Variants in RAD54L observed in about 807,000 individuals in gnomAD.
RAD54L encodes the protein RAD54 like, also known as DNA repair and recombination protein RAD54-like.
Under a neutral mutation model 91.6 loss-of-function variants are expected in RAD54L, and 74 were observed. The observed-to-expected ratio is 0.81, with a 90% confidence interval of 0.67 to 0.98. The LOEUF (loss-of-function observed/expected upper bound fraction) is 0.98. Ranked by LOEUF, RAD54L falls within the 50% of genes least tolerant of loss-of-function variation. RAD54L has a pLI of 0.00. For missense variants in RAD54L, 887 were observed against 945.7 expected, an observed-to-expected ratio of 0.94 and a Z score of 0.81; for synonymous variants, 304 against 349.7, an observed-to-expected ratio of 0.87 and a Z score of 1.46.
intron 3 of RAD54L, among the ~76,000 whole-genome samples, chr1:46,253,435 A>G (rs1041758138): frequency 1.4e-4 from 21 of 152,166 alleles, no homozygotes; most frequent in African/African-American, 4.6e-4. Context: ...CCTGGCTAAC[A>G]TGGTGAAACT....
chr1:46,261,146 T>C (rs1660107251), intron 7 of RAD54L, 115 bp from the exon 8 acceptor site: 12 of 1,548,522 alleles, frequency 7.7e-6, no homozygotes, highest in South Asian at 1.1e-5. Flanking sequence ...TTGAAAATAG[T>C]TGAAGTGGAG....
At chr1:46,251,580 T>C (rs1659799919) in intron 3 of RAD54L, among the ~76,000 whole-genome samples, 1 of 152,040 alleles carries the variant, frequency 6.6e-6, no homozygotes, top group African/African-American at 2.4e-5. Flanking sequence ...AAAAAATCAC[T>C]AATACATTGT....
chr1:46,272,161 G>A (rs922520682), intron 10 of RAD54L, among the ~76,000 whole-genome samples: 1 of 147,908 alleles, frequency 6.8e-6, no homozygotes. Context: ...TCCTGCCTCA[G>A]CTTCCCGAGT....
chr1:46,255,741 C>A lies in RAD54L; in HGVS notation c.211-2945C>A, dbSNP rs2148282515. Among the ~76,000 whole-genome samples the A allele has an allele frequency of 2.0e-5, 3 of 152,050 alleles. 1 individual carries two copies. The South Asian group carries it at 6.2e-4, about 32-fold the overall frequency. ...ATCTCGAACACCTGACCTCAGGTGA[C>A]CTGCCCGCCTTGGCCTCCCAAAGTG... On this transcript the variant is annotated intron_variant, in intron 3 of 17. Coordinates refer to ENST00000371975, the MANE Select transcript of RAD54L (RefSeq NM_003579.4).
chr1:46,258,273 G>T (rs1400325373), intron 3 of RAD54L, among the ~76,000 whole-genome samples: 1 of 148,020 alleles, frequency 6.8e-6, no homozygotes, highest in African/African-American at 2.5e-5. Flanking sequence ...GCTGATGTGA[G>T]TATTAGATAT....
At chr1:46,267,764 G>A in intron 9 of RAD54L, 155 bp downstream of exon 9, 1 of 1,045,332 alleles carries the variant, frequency 9.6e-7, no homozygotes, top group South Asian at 1.4e-5. Flanking sequence ...GAGTAGCAAA[G>A]CCATTGGGAG....
chr1:46,277,658 G>C (rs1350153162), intron 16 of RAD54L, 159 bp from the exon 17 acceptor site: 2 of 807,736 alleles, frequency 2.5e-6, no homozygotes, highest in Non-Finnish European at 4.0e-6. Flanking sequence ...TGGGAAAATG[G>C]ACCTCAGCTG....
chr1:46,248,572 G>A lies in RAD54L; in HGVS notation c.64G>A (p.Asp22Asn). The change falls in exon 2 of 18, where the codon GAT becomes AAT. Residue 22 changes from aspartate to asparagine, a missense_variant. Asp to Asn is a conservative substitution (Grantham distance 23). Transcript: ENST00000371975. The part of the protein sequence containing the change: ...KRKPEGRSCD[D>N]EDWQPGLVTP... ...AAAACCTGAAGGCAGGTCCTGTGAT[G>A]ATGAAGACTGGCAACCTGGCCTAGT... 1 of 1,614,170 alleles carries A rather than the reference G, an allele frequency of 6.2e-7. No individual in the cohort carries two copies. Among genetic ancestry groups the A allele is most frequent in the Non-Finnish European group, 8.5e-7 (1 of 1,180,034 alleles).
In RAD54L at chr1:46,251,565, CA is replaced by C. The variant is rs753641730; in HGVS notation, c.210+1456del. ...CCTTGGCAACAGAGTGAGACCACCT[CA>C]AAAAAAAAATCACTAATACATTGTT... On this transcript the variant is annotated intron_variant, in intron 3 of 17. Transcript: ENST00000371975. 5.1e-3 allele frequency among the ~76,000 whole-genome samples: 757 copies of C among 149,106 alleles called. 1 individual carries two copies. The highest frequency in any genetic ancestry group is 8.5e-3 in the Non-Finnish European group (573 of 67,110).
intron 3 of RAD54L, among the ~76,000 whole-genome samples, chr1:46,257,479 C>CA (rs1462451643): frequency 1.3e-5 from 2 of 152,312 alleles, no homozygotes; most frequent in East Asian, 3.9e-4. Flanking sequence ...TGGGAGCTGT[C>CA]AGAGTTAGCT....
rs190642209 is a variant in RAD54L, at chr1:46,251,179, G to A, written c.210+1060G>A. On this transcript the variant is annotated intron_variant, in intron 3 of 17. Transcript: ENST00000371975. ...CAGAGAAAATTAGCCAGGCATGGTG[G>A]TGCATGCCTGTAATCCCAGCTACTT... Among the ~76,000 whole-genome samples the A allele has an allele frequency of 1.0e-3, 156 of 151,564 alleles. 2 individuals carry two copies. The South Asian group carries it at 0.016, about 16-fold the overall frequency.
intron 16 of RAD54L, among the ~76,000 whole-genome samples, chr1:46,276,223 G>T (rs901791701): frequency 1.3e-5 from 2 of 152,132 alleles, no homozygotes; most frequent in African/African-American, 4.8e-5. Context: ...TGTTGCCTAA[G>T]CTGGAGTATA....
At chr1:46,277,645 G>A in intron 16 of RAD54L, 172 bp from the exon 17 acceptor site, 1 of 743,548 alleles carries the variant, frequency 1.3e-6, no homozygotes, top group Non-Finnish European at 2.2e-6. Context: ...TCAGGAGACA[G>A]ACTGGGAAAA....
In RAD54L at chr1:46,273,834, G is replaced by A. The variant is rs1408441729; in HGVS notation, c.1610+87G>A. The stretch of plus-strand genomic sequence containing the variant: ...GTTCTGATTTGTGGATGTGGGCCAA[G>A]ATCTGGGCACATAAGGGCTTTCCCT... On this transcript the variant is annotated intron_variant, in intron 14 of 17. Coordinates refer to ENST00000371975, the MANE Select transcript of RAD54L (RefSeq NM_003579.4). The A allele has an allele frequency of 2.0e-6, 3 of 1,529,388 alleles. No homozygotes were observed. In the African/African-American group the frequency reaches 4.1e-5, roughly 21 times the overall value. 94.7% of individuals were successfully genotyped at this position (1,529,388 alleles called of 1,614,324 possible). A position where few individuals can be genotyped will look rare whatever the true frequency, so the allele number is the denominator to read the frequency against.
At chr1:46,261,648 A>T (rs1242008821) in intron 8 of RAD54L, among the ~76,000 whole-genome samples, 1 of 152,200 alleles carries the variant, frequency 6.6e-6, no homozygotes, top group Non-Finnish European at 1.5e-5. Context: ...GTATTCCTAG[A>T]CTAAAGAAGG....
intron 8 of RAD54L, among the ~76,000 whole-genome samples, chr1:46,262,267 C>T (rs28743169): frequency 0.042 from 6,342 of 150,340 alleles, 224 homozygotes; most frequent in African/African-American, 0.089. Flanking sequence ...ATTAGCCGAG[C>T]GTGGTGGTGG....
rs1660094559 is a variant in RAD54L, at chr1:46,260,851, T to G, written c.602T>G (p.Leu201Ter). The G allele has an allele frequency of 1.2e-6, 2 of 1,614,122 alleles. No homozygotes were observed. The highest frequency in any genetic ancestry group is 1.7e-6 in the Non-Finnish European group (2 of 1,180,050). Residue 201 changes from leucine (L) to a stop codon, truncating the protein, a stop_gained, in exon 7 of 18, where the codon TTA (leucine) becomes TGA (stop). Transcript: ENST00000371975. LOFTEE classifies it high-confidence loss of function. ...LQCITLMWTL[L>*]RQSPECKPEI... ...TGCATCACATTGATGTGGACACTTT[T>G]ACGCCAGAGTCCAGAGTGCAAGCCA...
In RAD54L at chr1:46,261,279, G is replaced by C; in HGVS notation, c.785G>C (p.Arg262Pro). The change falls in exon 8 of 18, where the codon CGT becomes CCT. Residue 262 changes from arginine (R) to proline (P), a missense_variant. By Grantham distance (103) the Arg-to-Pro change is moderately radical. Coordinates refer to ENST00000371975, the MANE Select transcript of RAD54L (RefSeq NM_003579.4). ...GTTGTAGAAGGATTCATGAACCAGC[G>C]TGGAGCCAGGGTGTCTTCTCCCATC... ...DQKLEGFMNQ[R>P]GARVSSPILI... 6.2e-7 allele frequency: 1 copy of C among 1,613,012 alleles called. No homozygotes were observed. The highest frequency in any genetic ancestry group is 8.5e-7 in the Non-Finnish European group (1 of 1,179,904).
Position 46,258,698 on chromosome 1 carries a change from C to A in RAD54L, c.223C>A (p.Arg75=). The A allele has an allele frequency of 6.2e-7, 1 of 1,606,028 alleles. No individual in the cohort carries two copies. Among genetic ancestry groups the A allele is most frequent in the South Asian group, 1.1e-5 (1 of 90,926 alleles). The change falls in exon 4 of 18, where the codon CGA becomes AGA. Residue 75 remains arginine, a synonymous_variant. Transcript: ENST00000371975. ...CCTTTCTTTTTAGGAAGCATTTATT[C>A]GAAGCATTTTGTCAAAGCCTTTCAA... is the stretch of plus-strand genomic sequence containing the variant. ...LDSSQHEAFI[R]SILSKPFKVP... is the part of the protein sequence containing the mutation.
Sources: gnomAD v4.1 joint callset for allele counts (sites outside exome capture counted in the v4.1 genomes callset) on GRCh38, gnomAD v4.1.1 for gene constraint, MANE v1.5 for transcripts, NCBI Gene and HGNC (gene_info 2026-07-23, HGNC 2026-07-21) for gene names.